MGAM2: variants seen among roughly 807,000 people sequenced by gnomAD.
MGAM2 encodes the protein probable maltase-glucoamylase 2.
A neutral mutation model predicts 96.1 loss-of-function variants in MGAM2; 98 were observed. That is an observed-to-expected ratio of 1.02 (90% CI 0.87 to 1.21). The LOEUF is 1.21. MGAM2 is among the 50% of genes most tolerant of loss of function. The pLI is 0.00. For missense variants in MGAM2, 2,055 were observed against 1,182.4 expected, an observed-to-expected ratio of 1.74 and a Z score of -10.82; for synonymous variants, 749 against 414.8, an observed-to-expected ratio of 1.81 and a Z score of -9.79.
chr7:142,192,829 A>G (rs1363417288), intron 37 of MGAM2, among the ~76,000 whole-genome samples: 1 of 152,104 alleles, frequency 6.6e-6, no homozygotes, highest in African/African-American at 2.4e-5. Context: ...CTTCTTCCTC[A>G]CTGCTGGTAT....
At chr7:142,194,946 C>T (rs919968308) in intron 37 of MGAM2, among the ~76,000 whole-genome samples, 2 of 151,952 alleles carry the variant, frequency 1.3e-5, no homozygotes, top group African/African-American at 4.8e-5. Flanking sequence ...TTGATTTTTC[C>T]CTCACACAGT....
At chr7:142,199,777 AT>A (rs1334377677) in intron 44 of MGAM2, 102 bp from the exon 45 acceptor site, 8 of 502,512 alleles carry the variant, frequency 1.6e-5, no homozygotes, top group Non-Finnish European at 2.8e-5. Context: ...TATTTAATAC[AT>A]TTCTTTTATT....
chr7:142,115,447 A>G (rs1817356026), intron 1 of MGAM2, among the ~76,000 whole-genome samples: 1 of 152,218 alleles, frequency 6.6e-6, no homozygotes, highest in South Asian at 2.1e-4. Context: ...AATAATCAAT[A>G]CTGAGGCCTA....
chr7:142,116,533 A>G (rs957896677), intron 1 of MGAM2, among the ~76,000 whole-genome samples: 2 of 152,176 alleles, frequency 1.3e-5, no homozygotes, highest in African/African-American at 2.4e-5. Context: ...AGTGAAATCT[A>G]AAGGGTTTTG....
intron 8 of MGAM2, 114 bp from the exon 9 acceptor site, chr7:142,137,319 C>T (rs1052147844): frequency 4.1e-6 from 2 of 482,878 alleles, no homozygotes; most frequent in Non-Finnish European, 7.4e-6. Context: ...GTGTGATTTT[C>T]ATCCCTTTCA....
chr7:142,185,928 C>T, intron 34 of MGAM2, 61 bp from the exon 35 acceptor site: 1 of 675,658 alleles, frequency 1.5e-6, no homozygotes, highest in Non-Finnish European at 2.7e-6. Flanking sequence ...GTTCATCTCC[C>T]ATTTGTGGTC....
intron 14 of MGAM2, 123 bp downstream of exon 14, chr7:142,145,068 G>A (rs1221710237): frequency 5.0e-6 from 3 of 603,630 alleles, no homozygotes; most frequent in African/African-American, 3.7e-5. Flanking sequence ...AACATCCTGA[G>A]CACTCCTCTG....
intron 15 of MGAM2, among the ~76,000 whole-genome samples, chr7:142,150,971 A>G (rs1795563789): frequency 6.6e-6 from 1 of 151,910 alleles, no homozygotes; most frequent in Admixed American, 6.6e-5. Context: ...ATAAAACCTC[A>G]TCTCCAATCT....
chr7:142,128,229 C>T (rs1794782781), intron 3 of MGAM2, among the ~76,000 whole-genome samples: 1 of 152,134 alleles, frequency 6.6e-6, no homozygotes, highest in South Asian at 2.1e-4. Flanking sequence ...CAAGAGGTAA[C>T]TTGGGTGCTG....
rs552387942 is a variant in MGAM2 at position 142,137,497 on chromosome 7, C to T, written c.912C>T (p.Tyr304=). 228 of 701,818 alleles carry T rather than the reference C, an allele frequency of 3.2e-4. No homozygotes were observed. The highest frequency in any genetic ancestry group is 5.3e-4 in the Non-Finnish European group (205 of 384,310). The allele number at this position is 701,818 out of a possible 1,614,324, so 43.5% of individuals were successfully genotyped here. A position where few individuals can be genotyped will look rare whatever the true frequency, so the allele number is the denominator to read the frequency against. ...CGATTGGAGGCATTCTTGACTTTTA[C>T]GTATTCCTAGGAAACACTCCAGAAC... The part of the protein sequence containing the change: ...YRTIGGILDF[Y]VFLGNTPEQV... Residue 304 remains tyrosine, a synonymous_variant, in exon 9 of 48, where the codon TAC becomes TAT. Transcript: ENST00000477922.
intron 17 of MGAM2, among the ~76,000 whole-genome samples, chr7:142,157,655 G>T (rs1795775588): frequency 6.6e-6 from 1 of 152,132 alleles, no homozygotes; most frequent in Non-Finnish European, 1.5e-5. Flanking sequence ...CTCCCAAAGT[G>T]CTAGGATTAC....
chr7:142,131,217 A>C (rs1372631478), intron 4 of MGAM2, 146 bp downstream of exon 4: 2 of 612,564 alleles, frequency 3.3e-6, no homozygotes, highest in African/African-American at 3.7e-5. Flanking sequence ...ACGTGGGTGG[A>C]TCATGAGGTC....
In MGAM2 at chr7:142,176,096, A is replaced by C. The variant is rs1585189696; in HGVS notation, c.3816+316A>C. 5.8e-5 allele frequency among the ~76,000 whole-genome samples: 3 copies of C among 51,320 alleles called. No homozygotes were observed. In the South Asian group the frequency reaches 2.7e-3, roughly 46 times the overall value. The allele number at this position is 51,320 out of a possible 152,430, so 33.7% of individuals were successfully genotyped here. A position where few individuals can be genotyped will look rare whatever the true frequency, so the allele number is the denominator to read the frequency against. On this transcript the variant is annotated intron_variant, in intron 32 of 47. Transcript: ENST00000477922. ...TGTGGGCTGAAGCACTGAAGATAGC[A>C]AAAAAAAAAAAAGGGGGGGGCATCT...
chr7:142,134,776 TAAA>T (rs35820144), intron 7 of MGAM2, among the ~76,000 whole-genome samples: 2 of 135,192 alleles, frequency 1.5e-5, no homozygotes, highest in Non-Finnish European at 1.6e-5. Context: ...ACTAGTTTCT[TAAA>T]AAAAAAAAAA....
At chr7:142,129,756 C>T (rs1022937584) in intron 3 of MGAM2, among the ~76,000 whole-genome samples, 2 of 133,078 alleles carry the variant, frequency 1.5e-5, no homozygotes, top group African/African-American at 5.7e-5. Context: ...ACCCAGGAGG[C>T]AGAGATTACA....
In MGAM2 at chr7:142,164,927, A is replaced by G; in HGVS notation, c.2556A>G (p.Thr852=). Reference sequence around the variant, plus strand: ...ACAACCTCATGTTCACAGATATCACAATCTTGGGAATGGACAAACAGCCAG... The same window carrying G: ...ACAACCTCATGTTCACAGATATCACGATCTTGGGAATGGACAAACAGCCAG... ...DTDNLMFTDI[T]ILGMDKQPAN... The change falls in exon 24 of 48, where the codon ACA becomes ACG. Residue 852 remains threonine (T), a synonymous_variant. Transcript: ENST00000477922. 1 of 702,834 alleles carries G rather than the reference A, an allele frequency of 1.4e-6. No homozygotes were observed. The highest frequency in any genetic ancestry group is 2.6e-6 in the Non-Finnish European group (1 of 384,934). The allele number at this position is 702,834 out of a possible 1,614,324, so 43.5% of individuals were successfully genotyped here. A position where few individuals can be genotyped will look rare whatever the true frequency, so the allele number is the denominator to read the frequency against.
Position 142,131,605 on chromosome 7 carries a change from C to T in MGAM2, c.398C>T (p.Thr133Ile), listed in dbSNP as rs981023958. 1 of 703,174 alleles carries T rather than the reference C, an allele frequency of 1.4e-6. No individual in the cohort carries two copies. The highest frequency in any genetic ancestry group is 2.0e-5 in the Admixed American group (1 of 50,012). 43.6% of individuals were successfully genotyped at this position (703,174 alleles called of 1,614,324 possible). A position where few individuals can be genotyped will look rare whatever the true frequency, so the allele number is the denominator to read the frequency against. Residue 133 changes from threonine to isoleucine, a missense_variant, in exon 5 of 48, where the codon ACA (threonine) becomes ATA (isoleucine). Thr to Ile is a moderately conservative substitution (Grantham distance 89, BLOSUM62 -1). Coordinates refer to ENST00000477922, the MANE Select transcript of MGAM2 (RefSeq NM_001293626.2). ...ACCCTTTTCACAGCTGAATATCAGA[C>T]ATCCAATCGGTTTCATTTTAAGGTT... ...ATTLFTAEYQ[T>I]SNRFHFKITD...
intron 14 of MGAM2, 111 bp downstream of exon 14, chr7:142,145,056 T>A (rs923361772): frequency 1.6e-6 from 1 of 627,794 alleles, no homozygotes; most frequent in Non-Finnish European, 2.9e-6. Context: ...AGGGGTCTCC[T>A]AAACATCCTG....
rs1366518999 is a variant in MGAM2, at chr7:142,221,311, C to T, written c.6800C>T (p.Pro2267Leu). The change falls in exon 48 of 48, where the codon CCT (proline) becomes CTT (leucine). Residue 2267 changes from proline to leucine, a missense_variant. By Grantham distance (98) the Pro-to-Leu change is moderately conservative. Transcript: ENST00000477922. ...ACTACTTCTTTTGGTAATAGTGTTC[C>T]TTTTGTGACTACTCCTTCTCCAAGT... The part of the protein sequence containing the change: ...ITTTSFGNSV[P>L]FVTTPSPSTD... 1.5e-6 allele frequency: 1 copy of T among 652,880 alleles called. No homozygotes were observed. Among genetic ancestry groups the T allele is most frequent in the Admixed American group, 2.2e-5 (1 of 45,106 alleles). 40.4% of individuals were successfully genotyped at this position (652,880 alleles called of 1,614,324 possible).
Sources: allele counts gnomAD v4.1 joint callset (sites outside exome capture counted in the v4.1 genomes callset), GRCh38; gene constraint gnomAD v4.1.1; transcripts MANE v1.5; gene names NCBI Gene and HGNC (gene_info 2026-07-23, HGNC 2026-07-21).